CDK14: variants seen among roughly 807,000 people sequenced by gnomAD.
CDK14 encodes the protein cyclin dependent kinase 14, also known as cyclin-dependent kinase 14.
A neutral mutation model predicts 60.7 loss-of-function variants in CDK14; 34 were observed. That is an observed-to-expected ratio of 0.56 (90% CI 0.43 to 0.75). CDK14 has a LOEUF of 0.75. Ranked by LOEUF, CDK14 falls within the 30% of genes least tolerant of loss-of-function variation. The probability of loss-of-function intolerance (pLI) is 0.00; values close to 1 mark genes in which losing one functional copy is unlikely to be tolerated. For missense variants in CDK14, 482 were observed against 564.1 expected, an observed-to-expected ratio of 0.85 and a Z score of 1.47; for synonymous variants, 197 against 203.7, an observed-to-expected ratio of 0.97 and a Z score of 0.28.
chr7:90,677,942 G>A (rs1350117831), intron 2 of CDK14, among the ~76,000 whole-genome samples: 2 of 152,212 alleles, frequency 1.3e-5, no homozygotes, highest in African/African-American at 2.4e-5. Context: ...GGTGCCAGCT[G>A]TGTGGCTGAC....
Position 90,978,079 on chromosome 7 carries a change from G to T in CDK14, c.948-6069G>T, listed in dbSNP as rs545885137. On this transcript the variant is annotated intron_variant, in intron 9 of 14. Transcript: ENST00000380050. The stretch of plus-strand genomic sequence containing the variant: ...AGTGGAGCTATTTGCACTGACCTCT[G>T]AATAGCAAAAAGCAATTAACCAGGT... 2.0e-5 allele frequency among the ~76,000 whole-genome samples: 3 copies of T among 152,240 alleles called. No individual in the cohort carries two copies. The East Asian group carries it at 5.8e-4, about 29-fold the overall frequency.
At chr7:90,697,592 T>C (rs1260142038) in intron 2 of CDK14, among the ~76,000 whole-genome samples, 1 of 152,216 alleles carries the variant, frequency 6.6e-6, no homozygotes, top group Admixed American at 6.5e-5. Context: ...TTGAATTATA[T>C]GGAGCTGAAC....
intron 2 of CDK14, among the ~76,000 whole-genome samples, chr7:90,698,750 G>T (rs1801718691): frequency 6.6e-6 from 1 of 152,150 alleles, no homozygotes; most frequent in African/African-American, 2.4e-5. Context: ...CCCTCTTCTA[G>T]CATTTGCTAC....
At chr7:90,679,166 G>T (rs373434532) in intron 2 of CDK14, among the ~76,000 whole-genome samples, 15 of 152,006 alleles carry the variant, frequency 9.9e-5, no homozygotes, top group African/African-American at 3.6e-4. Flanking sequence ...TGCCCACGCT[G>T]GTATCAAATT....
In CDK14 at chr7:91,148,132, T is replaced by C. The variant is rs557180130; in HGVS notation, c.*28+29924T>C. 8.9e-4 allele frequency among the ~76,000 whole-genome samples: 135 copies of C among 152,258 alleles called. No individual in the cohort carries two copies. The Middle Eastern group carries it at 0.014, about 15-fold the overall frequency. ...ATTCACGCCTGTAATCTCAGCACTT[T>C]GAGAGGATAAGGCAGGAGGATCACA... On this transcript the variant is annotated intron_variant, in intron 14 of 14. Coordinates refer to ENST00000380050, the MANE Select transcript of CDK14 (RefSeq NM_001287135.2).
intron 2 of CDK14, among the ~76,000 whole-genome samples, chr7:90,689,179 G>T (rs1054639415): frequency 1.3e-5 from 2 of 152,180 alleles, no homozygotes; most frequent in African/African-American, 4.8e-5. Context: ...GCTGAATGTG[G>T]TTGAAGAGGT....
intron 8 of CDK14, 73 bp downstream of exon 8, chr7:90,917,797 T>TAAACAAATGCA: frequency 6.8e-7 from 1 of 1,461,532 alleles, no homozygotes; most frequent in Non-Finnish European, 9.4e-7. Flanking sequence ...GCACTGCATT[T>TAAACAAATGCA]GTTTAGGTGC....
intron 4 of CDK14, among the ~76,000 whole-genome samples, chr7:90,780,360 G>A (rs1584884861): frequency 6.6e-6 from 1 of 151,672 alleles, no homozygotes; most frequent in South Asian, 2.1e-4. Context: ...CCTCCAAAAT[G>A]ACCAATTAGG....
At chr7:91,015,684 T>C (rs574262552) in intron 10 of CDK14, among the ~76,000 whole-genome samples, 8 of 151,812 alleles carry the variant, frequency 5.3e-5, no homozygotes, top group Non-Finnish European at 1.0e-4. Flanking sequence ...CCCGCCACCA[T>C]GCCCGGCTAA....
chr7:91,168,357 A>G (rs930834867), intron 14 of CDK14, among the ~76,000 whole-genome samples: 3 of 152,222 alleles, frequency 2.0e-5, no homozygotes, highest in African/African-American at 4.8e-5. Context: ...GGCCTGGCAC[A>G]TAGGAAACAT....
chr7:90,879,568 T>G (rs12538558), intron 6 of CDK14, among the ~76,000 whole-genome samples: 4 of 151,974 alleles, frequency 2.6e-5, no homozygotes, highest in Admixed American at 6.6e-5. Context: ...TCAAAATTGA[T>G]GTGAAGGTTT....
At chr7:91,044,741 C>A (rs1474297544) in intron 10 of CDK14, among the ~76,000 whole-genome samples, 2 of 152,092 alleles carry the variant, frequency 1.3e-5, no homozygotes, top group African/African-American at 4.8e-5. Context: ...TTATCTCTTG[C>A]CCTTTCTAAC....
In CDK14 at chr7:91,092,405, C is replaced by G. The variant is rs1046867355; in HGVS notation, c.1154+12925C>G. Among the ~76,000 whole-genome samples the G allele has an allele frequency of 7.2e-5, 11 of 152,308 alleles. No individual in the cohort carries two copies. The South Asian group carries it at 2.1e-3, about 29-fold the overall frequency. On this transcript the variant is annotated intron_variant, in intron 12 of 14. Transcript: ENST00000380050. Reference sequence around the variant, plus strand: ...AATTTGACCAGCCTCTTGGAAAAACCTAGGCATCCTCTTACCACAGGGCAT... The same window carrying G: ...AATTTGACCAGCCTCTTGGAAAAACGTAGGCATCCTCTTACCACAGGGCAT...
chr7:90,815,033 T>C (rs1263035287), intron 5 of CDK14, among the ~76,000 whole-genome samples: 1 of 152,234 alleles, frequency 6.6e-6, no homozygotes, highest in African/African-American at 2.4e-5. Context: ...TTTCCTTCTT[T>C]TTACTTTTTG....
At chr7:90,974,802 T>C (rs1394159813) in intron 9 of CDK14, among the ~76,000 whole-genome samples, 3 of 152,160 alleles carry the variant, frequency 2.0e-5, no homozygotes, top group Non-Finnish European at 1.5e-5. Context: ...AATTAATCCA[T>C]ATTTAGTTGA....
chr7:91,043,934 G>T (rs896534443), intron 10 of CDK14, among the ~76,000 whole-genome samples: 2 of 152,126 alleles, frequency 1.3e-5, no homozygotes, highest in African/African-American at 2.4e-5. Flanking sequence ...GTAAATAAAT[G>T]CATGAACAAT....
chr7:91,022,362 G>A (rs972089457), intron 10 of CDK14, among the ~76,000 whole-genome samples: 2 of 152,160 alleles, frequency 1.3e-5, no homozygotes, highest in African/African-American at 4.8e-5. Flanking sequence ...GTGCGTTGTA[G>A]GATATTTAAC....
chr7:90,920,402 A>G (rs1793211021), intron 8 of CDK14, among the ~76,000 whole-genome samples: 1 of 152,240 alleles, frequency 6.6e-6, no homozygotes, highest in African/African-American at 2.4e-5. Flanking sequence ...GAGGGAAAAG[A>G]CTAAAATTTA....
chr7:90,960,967 A>C (rs1056498655), intron 9 of CDK14, among the ~76,000 whole-genome samples: 1 of 152,080 alleles, frequency 6.6e-6, no homozygotes, highest in African/African-American at 2.4e-5. Flanking sequence ...ATGCATTTTA[A>C]TTACTTACCT....
Sources: allele counts gnomAD v4.1 joint callset (sites outside exome capture counted in the v4.1 genomes callset), GRCh38; gene constraint gnomAD v4.1.1; transcripts MANE v1.5; gene names NCBI Gene and HGNC (gene_info 2026-07-23, HGNC 2026-07-21).